Variants in RASGRF2 observed in about 807,000 individuals in gnomAD.
RASGRF2 encodes the protein Ras protein specific guanine nucleotide releasing factor 2.
In RASGRF2, 76 loss-of-function variants were observed where a neutral mutation model predicts 151.0. The ratio of observed to expected loss-of-function variants is 0.50; its 90% CI spans 0.42 to 0.61. The LOEUF is 0.61. Ranked by LOEUF, RASGRF2 falls within the 20% of genes least tolerant of loss-of-function variation. RASGRF2 has a pLI of 0.00. For synonymous variants in RASGRF2, 504 were observed against 566.5 expected, an observed-to-expected ratio of 0.89 and a Z score of 1.57; for missense variants, 1,148 against 1,564.6, an observed-to-expected ratio of 0.73 and a Z score of 4.49.
chr5:81,035,308 T>C (rs953777124), intron 1 of RASGRF2, among the ~76,000 whole-genome samples: 6 of 152,312 alleles, frequency 3.9e-5, no homozygotes, highest in African/African-American at 1.4e-4. Context: ...TCATGTCCTT[T>C]GCAGGGACAT....
intron 1 of RASGRF2, among the ~76,000 whole-genome samples, chr5:81,023,186 A>C (rs1046796314): frequency 6.6e-6 from 1 of 152,182 alleles, no homozygotes; most frequent in Non-Finnish European, 1.5e-5. Flanking sequence ...CCTGGGAGAG[A>C]ATCTGCCTGG....
chr5:81,086,825 T>C lies in RASGRF2; in HGVS notation c.1272-10T>C. 6.3e-7 allele frequency: 1 copy of C among 1,584,364 alleles called. No homozygotes were observed. The highest frequency in any genetic ancestry group is 1.1e-5 in the South Asian group (1 of 90,434). On this transcript the variant is annotated splice_polypyrimidine_tract_variant and intron_variant, in intron 8 of 26. Coordinates refer to ENST00000265080, the MANE Select transcript of RASGRF2 (RefSeq NM_006909.3). The stretch of plus-strand genomic sequence containing the variant: ...TCTCTTACTGTGATCCTGTCTGTGT[T>C]GTGTCACAGAGTAATGCACGATGAA...
chr5:81,178,412 T>A (rs181921678), intron 17 of RASGRF2, among the ~76,000 whole-genome samples: 1 of 152,184 alleles, frequency 6.6e-6, no homozygotes, highest in Non-Finnish European at 1.5e-5. Context: ...TTATTTATTT[T>A]TTGGACACAT....
chr5:81,033,695 C>T (rs1750354885), intron 1 of RASGRF2, among the ~76,000 whole-genome samples: 1 of 152,058 alleles, frequency 6.6e-6, no homozygotes, highest in African/African-American at 2.4e-5. Context: ...CATAAAAACC[C>T]TAGAAGAAAA....
chr5:81,149,366 G>A (rs972280378), intron 17 of RASGRF2, among the ~76,000 whole-genome samples: 1 of 152,142 alleles, frequency 6.6e-6, no homozygotes, highest in Admixed American at 6.6e-5. Context: ...TCTAAGTGAG[G>A]TAACTCAGGA....
intron 26 of RASGRF2, among the ~76,000 whole-genome samples, chr5:81,220,859 A>G (rs1470145803): frequency 1.3e-5 from 2 of 152,174 alleles, no homozygotes; most frequent in Non-Finnish European, 2.9e-5. Flanking sequence ...CCCATCCAGG[A>G]CACCACATGT....
At chr5:81,063,307 C>T (rs529611868) in intron 2 of RASGRF2, among the ~76,000 whole-genome samples, 113 of 152,078 alleles carry the variant, frequency 7.4e-4, no homozygotes, top group African/African-American at 2.6e-3. Flanking sequence ...AGTGCAGTGG[C>T]GTGATCTCGG....
chr5:81,032,257 A>G (rs1280168469), intron 1 of RASGRF2, among the ~76,000 whole-genome samples: 1 of 152,236 alleles, frequency 6.6e-6, no homozygotes, highest in Non-Finnish European at 1.5e-5. Flanking sequence ...AACTATTCCA[A>G]TCAACAGAAA....
intron 1 of RASGRF2, among the ~76,000 whole-genome samples, chr5:81,038,567 CTTTTTTTTTTTT>C (rs56205345): frequency 1.2e-5 from 1 of 83,902 alleles, no homozygotes; most frequent in Non-Finnish European, 2.3e-5. Flanking sequence ...TAAATATTTG[CTTTTTTTTTTTT>C]TTTTTTTTTT....
chr5:81,183,114 A>G, intron 18 of RASGRF2: 16,315 of 373,100 alleles, frequency 0.044, no homozygotes, highest in Non-Finnish European at 0.055. Context: ...AGGAAGTTGT[A>G]CTCATCTCAA....
intron 1 of RASGRF2, among the ~76,000 whole-genome samples, chr5:80,970,812 C>G (rs560510922): frequency 6.6e-6 from 1 of 152,306 alleles, no homozygotes; most frequent in South Asian, 2.1e-4. Flanking sequence ...TAATTATTAA[C>G]ACATCTAGTG....
At position 81,185,312 on chromosome 5, in the gene RASGRF2, A is replaced by G. The variant is rs372845576; in HGVS notation, c.2793+5031A>G. ...AAGGTGAAAGGTGCTGGCTGGGCAAAGTGAAGAGTGGTGGATGCTAGGAGT... is the reference window on the plus strand; with the variant it reads ...AAGGTGAAAGGTGCTGGCTGGGCAAGGTGAAGAGTGGTGGATGCTAGGAGT... On this transcript the variant is annotated intron_variant, in intron 18 of 26. Transcript: ENST00000265080. 5.2e-4 allele frequency among the ~76,000 whole-genome samples: 79 copies of G among 152,286 alleles called. 1 individual carries two copies. The highest frequency in any genetic ancestry group is 3.5e-3 in the East Asian group (18 of 5,170).
At chr5:81,184,771 C>G (rs1302134985) in intron 18 of RASGRF2, among the ~76,000 whole-genome samples, 1 of 152,200 alleles carries the variant, frequency 6.6e-6, no homozygotes, top group Admixed American at 6.5e-5. Context: ...TTTCTGTTTT[C>G]TCACCTCCTT....
intron 1 of RASGRF2, among the ~76,000 whole-genome samples, chr5:81,003,273 A>G (rs1749142260): frequency 7.9e-6 from 1 of 126,884 alleles, no homozygotes; most frequent in Non-Finnish European, 1.6e-5. Context: ...CCCAGGCTGG[A>G]GTGCAATGGC....
intron 17 of RASGRF2, among the ~76,000 whole-genome samples, chr5:81,155,872 C>T (rs997541450): frequency 1.1e-4 from 16 of 152,066 alleles, no homozygotes; most frequent in African/African-American, 3.4e-4. Flanking sequence ...ACTTAGGGCT[C>T]GGGCTAGTTT....
At chr5:81,024,071 T>C (rs1267846378) in intron 1 of RASGRF2, among the ~76,000 whole-genome samples, 5 of 152,038 alleles carry the variant, frequency 3.3e-5, no homozygotes, top group Non-Finnish European at 7.4e-5. Flanking sequence ...AAGACAGCTG[T>C]CATTTATGGG....
At chr5:80,998,950 C>T (rs1414924350) in intron 1 of RASGRF2, among the ~76,000 whole-genome samples, 1 of 152,300 alleles carries the variant, frequency 6.6e-6, no homozygotes. Flanking sequence ...TTGGCCTTTT[C>T]CACTTGGGTA....
rs780593934 is a variant in RASGRF2, at chr5:81,112,853, T to G, written c.2082T>G (p.Pro694=). Residue 694 remains proline, a synonymous_variant, in exon 14 of 27, where the codon CCT becomes CCG. Coordinates refer to ENST00000265080, the MANE Select transcript of RASGRF2 (RefSeq NM_006909.3). ...ACAAGAGGCCTTTCACCTCCATCCC[T>G]GTCAGGTACACCTATTGCTAGAGGT... ...DIYKRPFTSI[P]VRSLELFFAT... 1 of 1,614,228 alleles carries G rather than the reference T, an allele frequency of 6.2e-7. No individual in the cohort carries two copies. Among genetic ancestry groups the G allele is most frequent in the South Asian group, 1.1e-5 (1 of 91,084 alleles).
chr5:81,083,170 G>A (rs187590994), intron 7 of RASGRF2, among the ~76,000 whole-genome samples: 7 of 152,230 alleles, frequency 4.6e-5, no homozygotes, highest in East Asian at 1.9e-4. Context: ...TGGAGGGTCC[G>A]GTTGTATCTG....
Sources: allele counts gnomAD v4.1 joint callset (sites outside exome capture counted in the v4.1 genomes callset), GRCh38; gene constraint gnomAD v4.1.1; transcripts MANE v1.5; gene names NCBI Gene and HGNC (gene_info 2026-07-23, HGNC 2026-07-21).